The following URI1 variants were observed in gnomAD, a reference collection of about 807,000 sequenced individuals.
URI1 encodes the protein URI1 prefoldin like chaperone.
URI1 carries 39 observed loss-of-function variants against 60.2 expected under a neutral mutation model. That is an observed-to-expected ratio of 0.65 (90% CI 0.50 to 0.85). The LOEUF is 0.85. Ranked by LOEUF, URI1 falls within the 40% of genes least tolerant of loss-of-function variation. URI1 has a pLI of 0.00. For synonymous variants in URI1, 251 were observed against 236.8 expected, an observed-to-expected ratio of 1.06 and a Z score of -0.55; for missense variants, 691 against 665.9, an observed-to-expected ratio of 1.04 and a Z score of -0.42.
At chr19:29,942,949 G>C (rs962655589) in intron 1 of URI1, among the ~76,000 whole-genome samples, 1 of 152,222 alleles carries the variant, frequency 6.6e-6, no homozygotes, top group Admixed American at 6.5e-5. Flanking sequence ...GCTGTCAACG[G>C]AAGCGTTCGC....
At chr19:29,933,638 C>T (rs771320221) in intron 1 of URI1, among the ~76,000 whole-genome samples, 14 of 151,708 alleles carry the variant, frequency 9.2e-5, no homozygotes, top group African/African-American at 1.5e-4. Context: ...TTGGGCAACA[C>T]GGTGAAACCC....
chr19:29,994,587 C>T (rs1389896105), intron 4 of URI1, among the ~76,000 whole-genome samples: 1 of 152,038 alleles, frequency 6.6e-6, no homozygotes, highest in Non-Finnish European at 1.5e-5. Flanking sequence ...TGTGTTGTAG[C>T]ACGTGTCAGA....
intron 1 of URI1, among the ~76,000 whole-genome samples, chr19:29,932,498 G>A (rs1360584060): frequency 6.6e-6 from 1 of 151,454 alleles, no homozygotes; most frequent in Non-Finnish European, 1.5e-5. Flanking sequence ...TGTATTTTTA[G>A]TAGAGATGGG....
chr19:29,996,169 G>A (rs1358586686), intron 4 of URI1, among the ~76,000 whole-genome samples: 1 of 151,994 alleles, frequency 6.6e-6, no homozygotes, highest in Non-Finnish European at 1.5e-5. Flanking sequence ...TTTACTGGGA[G>A]TTGCACTGAG....
At chr19:29,992,637 T>A (rs1488612707) in intron 4 of URI1, among the ~76,000 whole-genome samples, 2 of 152,234 alleles carry the variant, frequency 1.3e-5, no homozygotes, top group Non-Finnish European at 2.9e-5. Context: ...GATTAATGTA[T>A]TTCACGTGAA....
At chr19:29,989,769 GTTT>G (rs35380622) in intron 4 of URI1, among the ~76,000 whole-genome samples, 16 of 147,718 alleles carry the variant, frequency 1.1e-4, no homozygotes, top group African/African-American at 5.0e-5. Flanking sequence ...CGTTTTGAGA[GTTT>G]TTTTTTTTTT....
chr19:29,997,693 C>G (rs1044116474), intron 4 of URI1, among the ~76,000 whole-genome samples: 1 of 151,636 alleles, frequency 6.6e-6, no homozygotes, highest in African/African-American at 2.4e-5. Flanking sequence ...CTATAAATAT[C>G]TTTCTTAGCA....
chr19:29,956,974 G>T, intron 1 of URI1: 1 of 868,794 alleles, frequency 1.2e-6, no homozygotes. Flanking sequence ...TCTGATTGCT[G>T]AGAATGGTCT....
At chr19:30,014,386 A>C (rs1158959873) in intron 10 of URI1, among the ~76,000 whole-genome samples, 1 of 152,224 alleles carries the variant, frequency 6.6e-6, no homozygotes, top group African/African-American at 2.4e-5. Flanking sequence ...TAAAATATTT[A>C]AATAATTGCA....
At chr19:29,934,216 A>G (rs865782069) in intron 1 of URI1, among the ~76,000 whole-genome samples, 2 of 152,108 alleles carry the variant, frequency 1.3e-5, no homozygotes, top group Non-Finnish European at 2.9e-5. Context: ...GATTACAGGC[A>G]TCAGCCACCA....
intron 1 of URI1, among the ~76,000 whole-genome samples, chr19:29,964,268 T>G (rs1490127491): frequency 1.3e-5 from 2 of 152,148 alleles, no homozygotes; most frequent in African/African-American, 2.4e-5. Context: ...TTTAAAGAGA[T>G]AATTTTTGTA....
At chr19:29,952,087 C>T (rs1175363988) in intron 1 of URI1, among the ~76,000 whole-genome samples, 2 of 152,204 alleles carry the variant, frequency 1.3e-5, no homozygotes, top group African/African-American at 4.8e-5. Context: ...CCAGAAAAAG[C>T]AGTCATCACC....
chr19:29,940,542 A>G (rs368913954), upstream of URI1, among the ~76,000 whole-genome samples: 622 of 152,184 alleles, frequency 4.1e-3, 2 homozygotes, highest in South Asian at 0.028. Flanking sequence ...CCAGCTACTC[A>G]GGAGGCTGAG....
At chr19:29,994,008 T>G (rs1003905949) in intron 4 of URI1, among the ~76,000 whole-genome samples, 2 of 152,082 alleles carry the variant, frequency 1.3e-5, no homozygotes, top group Admixed American at 1.3e-4. Context: ...CTTTAGATCG[T>G]CTTCCTTTTT....
chr19:29,993,912 T>C (rs2055777813), intron 4 of URI1, among the ~76,000 whole-genome samples: 5 of 152,186 alleles, frequency 3.3e-5, no homozygotes. Flanking sequence ...TTTTATTTTT[T>C]TGTTTTGGCA....
At chr19:29,974,303 TA>T (rs759521469) in intron 2 of URI1, among the ~76,000 whole-genome samples, 144 of 147,070 alleles carry the variant, frequency 9.8e-4, no homozygotes, top group Middle Eastern at 3.4e-3. Flanking sequence ...GTCAGACAAA[TA>T]AAAAAAAAAG....
chr19:29,923,777 T>G, intron 1 of URI1: 1 of 1,533,870 alleles, frequency 6.5e-7, no homozygotes, highest in Non-Finnish European at 8.7e-7. Flanking sequence ...TTGACAGTGT[T>G]ATAGCTTCTC....
At chr19:30,010,054 G>T (rs181892946) in intron 8 of URI1, among the ~76,000 whole-genome samples, 120 of 152,252 alleles carry the variant, frequency 7.9e-4, no homozygotes, top group Non-Finnish European at 1.1e-3. Context: ...CCCTCTCTCT[G>T]CTCCATGTAC....
intron 1 of URI1, among the ~76,000 whole-genome samples, chr19:29,927,258 C>T (rs2054876201): frequency 1.6e-5 from 2 of 122,792 alleles, no homozygotes; most frequent in South Asian, 5.5e-4. Flanking sequence ...TAATTTCATC[C>T]CTCTTTTTTT....
Sources: allele counts gnomAD v4.1 joint callset (sites outside exome capture counted in the v4.1 genomes callset), GRCh38; gene constraint gnomAD v4.1.1; transcripts MANE v1.5; gene names NCBI Gene and HGNC (gene_info 2026-07-23, HGNC 2026-07-21).